The following TBC1D5 variants were observed in gnomAD, a reference collection of about 807,000 sequenced individuals.
TBC1D5 encodes TBC1 domain family member 5.
A neutral mutation model predicts 100.3 loss-of-function variants in TBC1D5; 75 were observed. The observed-to-expected ratio is 0.75, with a 90% confidence interval of 0.62 to 0.91. TBC1D5 has a LOEUF of 0.91. TBC1D5 is among the 40% of genes least tolerant of loss of function. The probability of loss-of-function intolerance (pLI) is 0.00; values close to 1 mark genes in which losing one functional copy is unlikely to be tolerated. For synonymous variants in TBC1D5, 323 were observed against 325.6 expected (o/e 0.99, Z 0.09); for missense variants, 910 against 942.4 (o/e 0.97, Z 0.45).
chr3:17,497,257 T>C (rs1259726674), intron 3 of TBC1D5, among the ~76,000 whole-genome samples: 1 of 152,194 alleles, frequency 6.6e-6, no homozygotes, highest in African/African-American at 2.4e-5. Context: ...TCACTCACTA[T>C]AATATCACCC....
intron 2 of TBC1D5, among the ~76,000 whole-genome samples, chr3:17,515,845 G>A (rs1327401141): frequency 6.6e-6 from 1 of 152,112 alleles, no homozygotes; most frequent in Non-Finnish European, 1.5e-5. Flanking sequence ...TGTGGATACA[G>A]CATAATTCAC....
At chr3:17,527,297 T>C (rs187895306) in intron 2 of TBC1D5, among the ~76,000 whole-genome samples, 79 of 152,248 alleles carry the variant, frequency 5.2e-4, no homozygotes, top group African/African-American at 1.4e-3. Context: ...ACAAGCCACA[T>C]GATAACCTGA....
chr3:17,160,799 T>C (rs570028965), exon 22 of TBC1D5: 6 of 892,490 alleles, frequency 6.7e-6, no homozygotes, highest in East Asian at 2.7e-5. Context: ...TTTGTGGCCA[T>C]ATATGCTTCT....
At chr3:17,165,962 G>A (rs2066550151) in intron 21 of TBC1D5, among the ~76,000 whole-genome samples, 1 of 152,088 alleles carries the variant, frequency 6.6e-6, no homozygotes, top group Non-Finnish European at 1.5e-5. Flanking sequence ...TTTCTCACTG[G>A]TCAAATGAGC....
At chr3:17,616,953 C>G (rs1374644530) in intron 2 of TBC1D5, among the ~76,000 whole-genome samples, 2 of 152,094 alleles carry the variant, frequency 1.3e-5, no homozygotes, top group African/African-American at 4.8e-5. Context: ...GGTTATTTTG[C>G]CCGTTAATTG....
intron 4 of TBC1D5, among the ~76,000 whole-genome samples, chr3:17,414,377 A>G (rs1206078875): frequency 6.6e-5 from 10 of 152,250 alleles, no homozygotes; most frequent in Admixed American, 6.5e-4. Context: ...AAAAGGAGCC[A>G]GTAAATTTTT....
chr3:17,551,049 G>T (rs1274029221), intron 2 of TBC1D5, among the ~76,000 whole-genome samples: 1 of 151,926 alleles, frequency 6.6e-6, no homozygotes, highest in Non-Finnish European at 1.5e-5. Context: ...ACAGTAAATA[G>T]CTCTGTGTGT....
intron 4 of TBC1D5, among the ~76,000 whole-genome samples, chr3:17,408,183 C>G (rs1575747589): frequency 6.6e-6 from 1 of 151,368 alleles, no homozygotes; most frequent in African/African-American, 2.4e-5. Flanking sequence ...GTTTCCTCAT[C>G]TGTAAAATGG....
At chr3:17,624,011 T>C (rs1363424368) in intron 1 of TBC1D5, 98 bp from the exon 2 acceptor site, 3 of 152,186 alleles carry the variant, frequency 2.0e-5, no homozygotes, top group Non-Finnish European at 4.4e-5. Flanking sequence ...AACTGATTCA[T>C]ATACAACTTA....
At chr3:17,479,645 T>C (rs1161944707) in intron 3 of TBC1D5, among the ~76,000 whole-genome samples, 3 of 152,144 alleles carry the variant, frequency 2.0e-5, no homozygotes. Context: ...GAGACCAGCC[T>C]GGGCAACAGA....
intron 1 of TBC1D5, among the ~76,000 whole-genome samples, chr3:17,701,156 A>C (rs936239169): frequency 6.6e-6 from 1 of 152,210 alleles, no homozygotes; most frequent in Non-Finnish European, 1.5e-5. Context: ...AGCCATAAAA[A>C]GGATGAGTTC....
At chr3:17,470,551 G>A (rs1055213184) in intron 3 of TBC1D5, among the ~76,000 whole-genome samples, 1 of 152,178 alleles carries the variant, frequency 6.6e-6, no homozygotes, top group Non-Finnish European at 1.5e-5. Flanking sequence ...ATAATGGAGT[G>A]ACTTAAATGA....
intron 1 of TBC1D5, among the ~76,000 whole-genome samples, chr3:17,694,458 G>A (rs1171909244): frequency 2.6e-5 from 4 of 152,148 alleles, no homozygotes; most frequent in East Asian, 1.9e-4. Context: ...ATGCACAAGC[G>A]TCAACAGCCG....
At chr3:17,448,685 A>C (rs564568566) in intron 3 of TBC1D5, among the ~76,000 whole-genome samples, 13 of 152,352 alleles carry the variant, frequency 8.5e-5, no homozygotes, top group African/African-American at 3.1e-4. Context: ...AGTAGGTCAC[A>C]AGAATAGGCT....
chr3:17,630,469 C>T (rs555501722), intron 1 of TBC1D5, among the ~76,000 whole-genome samples: 1 of 152,202 alleles, frequency 6.6e-6, no homozygotes, highest in South Asian at 2.1e-4. Flanking sequence ...TTTGATGTTA[C>T]TATTATAATT....
intron 13 of TBC1D5, among the ~76,000 whole-genome samples, chr3:17,352,207 T>A (rs948681566): frequency 6.6e-6 from 1 of 152,162 alleles, no homozygotes; most frequent in Admixed American, 6.6e-5. Context: ...CACGTAGGTC[T>A]ATGTATTACA....
chr3:17,523,571 T>C (rs1329961184), intron 2 of TBC1D5, among the ~76,000 whole-genome samples: 2 of 152,176 alleles, frequency 1.3e-5, no homozygotes, highest in Admixed American at 6.5e-5. Context: ...AAAAAGATTG[T>C]TCTGAAGCCA....
rs182851078 is a variant in TBC1D5 at position 17,414,636 on chromosome 3, A to C, written c.168-8110T>G. On this transcript the variant is annotated intron_variant, in intron 4 of 21. Coordinates refer to ENST00000253692, the Ensembl canonical transcript of TBC1D5. The stretch of plus-strand genomic sequence containing the variant: ...GTGGCACCAGATATGGGTAAGCTAC[A>C]ACATTAGGACTGCAGGTGCCAAGAT... Among the ~76,000 whole-genome samples, 126 of 152,342 alleles carry C rather than the reference A, an allele frequency of 8.3e-4. No individual in the cohort carries two copies. The Middle Eastern group carries it at 0.017, about 21-fold the overall frequency.
intron 19 of TBC1D5, among the ~76,000 whole-genome samples, chr3:17,177,594 T>A (rs564106950): frequency 4.8e-4 from 73 of 152,302 alleles, no homozygotes; most frequent in Admixed American, 1.6e-3. Flanking sequence ...GTCTAAATAA[T>A]TTAAGTTCTC....
Sources: gnomAD v4.1 joint callset for allele counts (sites outside exome capture counted in the v4.1 genomes callset) on GRCh38, gnomAD v4.1.1 for gene constraint, MANE v1.5 for transcripts, NCBI Gene and HGNC (gene_info 2026-07-23, HGNC 2026-07-21) for gene names.